Variants in THRA observed in about 807,000 individuals in gnomAD.
THRA encodes the protein thyroid hormone receptor alpha.
A neutral mutation model predicts 45.0 loss-of-function variants in THRA; 13 were observed. The ratio of observed to expected loss-of-function variants is 0.29; its 90% confidence interval spans 0.19 to 0.46. The LOEUF (loss-of-function observed/expected upper bound fraction) is 0.46. Among genes scored for constraint, THRA ranks in the 20% least tolerant of loss-of-function variants. The pLI, the probability that THRA is intolerant of heterozygous loss-of-function variation, is 1.00. For synonymous variants in THRA, 195 were observed against 214.0 expected (o/e 0.91, Z 0.78); for missense variants, 278 against 556.1 (o/e 0.50, Z 5.03).
chr17:40,069,959 A>T (rs1215178918), intron 1 of THRA, among the ~76,000 whole-genome samples: 4 of 148,376 alleles, frequency 2.7e-5, no homozygotes, highest in Admixed American at 6.7e-5. Context: ...GCCCAAGTCA[A>T]GGCTGCTGTT....
intron 1 of THRA, among the ~76,000 whole-genome samples, chr17:40,072,498 C>T (rs1015623894): frequency 3.3e-5 from 5 of 152,096 alleles, no homozygotes; most frequent in African/African-American, 7.2e-5. Flanking sequence ...AGGAGACAGG[C>T]GGGGGCAGCA....
In THRA at chr17:40,090,166, A is replaced by T. The variant is rs952597983; in HGVS notation, c.*710A>T. On this transcript the variant is annotated 3_prime_UTR_variant, in exon 9 of 9. Transcript: ENST00000450525. ...TTTGCGAGCTGCCCCTTCTTCCCCCACATCAGAGAGAAATGCCCCCACACC... is the reference window on the plus strand; with the variant it reads ...TTTGCGAGCTGCCCCTTCTTCCCCCTCATCAGAGAGAAATGCCCCCACACC... 12 of 206,870 alleles carry T rather than the reference A, an allele frequency of 5.8e-5. No homozygotes were observed. The highest frequency in any genetic ancestry group is 7.0e-5 in the Non-Finnish European group (12 of 172,156). The allele number at this position is 206,870 out of a possible 1,614,324, so 12.8% of individuals were successfully genotyped here. A position where few individuals can be genotyped will look rare whatever the true frequency, so the allele number is the denominator to read the frequency against.
At chr17:40,084,890 C>G in intron 6 of THRA, 75 bp downstream of exon 6, 1 of 1,541,160 alleles carries the variant, frequency 6.5e-7, no homozygotes, top group Non-Finnish European at 8.9e-7. Flanking sequence ...AGTCTTGCCT[C>G]CTCCAGGAAG....
At chr17:40,086,660 G>GCTGAAAGGGGT in intron 6 of THRA, 47 bp from the exon 7 acceptor site, 1 of 1,598,846 alleles carries the variant, frequency 6.3e-7, no homozygotes, top group African/African-American at 1.3e-5. Flanking sequence ...TCAGTGAGAG[G>GCTGAAAGGGGT]CTGAAAGGGG....
At chr17:40,064,920 C>T (rs1389376594) in intron 1 of THRA, among the ~76,000 whole-genome samples, 3 of 152,226 alleles carry the variant, frequency 2.0e-5, no homozygotes, top group African/African-American at 7.2e-5. Context: ...CACACAACCC[C>T]AGATACACAC....
chr17:40,063,320 G>T (rs2145033353), intron 1 of THRA, among the ~76,000 whole-genome samples: 1 of 152,216 alleles, frequency 6.6e-6, no homozygotes, highest in Middle Eastern at 3.4e-3. Flanking sequence ...TGGGCCCCGG[G>T]GTTCGCAGGC....
chr17:40,082,675 C>T (rs1032799171), intron 4 of THRA, among the ~76,000 whole-genome samples: 3 of 150,866 alleles, frequency 2.0e-5, no homozygotes, highest in South Asian at 2.1e-4. Flanking sequence ...GGGTGGACCC[C>T]GCCGTGGTTC....
chr17:40,088,515 G>T lies in THRA; in HGVS notation c.982+15G>T. ...AATGTCAACAGGTACCTGCTGATTA[G>T]TCGGGAGGGCTCAGAAGCTTCCAGG... On this transcript the variant is annotated intron_variant, in intron 8 of 8. Coordinates refer to ENST00000450525, the MANE Select transcript of THRA (RefSeq NM_199334.5). The T allele has an allele frequency of 6.2e-7, 1 of 1,601,144 alleles. No individual in the cohort carries two copies. The highest frequency in any genetic ancestry group is 8.5e-7 in the Non-Finnish European group (1 of 1,170,402).
intron 2 of THRA, among the ~76,000 whole-genome samples, chr17:40,075,178 A>C (rs146472434): frequency 6.6e-6 from 1 of 152,042 alleles, no homozygotes. Flanking sequence ...TGTGATCTGC[A>C]TTGCCCTTGA....
intron 1 of THRA, among the ~76,000 whole-genome samples, chr17:40,063,345 A>C (rs1185718087): frequency 6.6e-6 from 1 of 151,956 alleles, no homozygotes; most frequent in Non-Finnish European, 1.5e-5. Context: ...ATGGCGTCCG[A>C]GCCTCCCCCT....
downstream of THRA, chr17:40,093,075 C>A: frequency 6.2e-7 from 1 of 1,614,060 alleles, no homozygotes; most frequent in Admixed American, 1.7e-5. This position sits in a 1 kb window ranked among gnomAD's most constrained non-coding sequence, Gnocchi z 5.9. Context: ...GAAGGCCGGC[C>A]GGGCGGGTCA....
intron 1 of THRA, among the ~76,000 whole-genome samples, chr17:40,064,373 A>G (rs988821281): frequency 3.3e-5 from 5 of 152,222 alleles, no homozygotes; most frequent in Admixed American, 1.3e-4. Context: ...CACAATTACA[A>G]AAGACCCTGT....
intron 1 of THRA, among the ~76,000 whole-genome samples, chr17:40,071,264 G>A (rs765006867): frequency 1.3e-5 from 2 of 152,228 alleles, no homozygotes; most frequent in Non-Finnish European, 1.5e-5. Context: ...GGGTTAATGC[G>A]GGTAGTATTG....
chr17:40,067,669 T>C (rs1283217495), intron 1 of THRA, among the ~76,000 whole-genome samples: 1 of 152,088 alleles, frequency 6.6e-6, no homozygotes, highest in Non-Finnish European at 1.5e-5. Context: ...GGAAGGACAA[T>C]GGGAGGATAC....
intron 4 of THRA, among the ~76,000 whole-genome samples, chr17:40,078,727 C>CTTTTTTTT (rs746350223): frequency 5.8e-5 from 6 of 102,612 alleles, no homozygotes; most frequent in African/African-American, 1.1e-4. Context: ...CAGCCTTCAT[C>CTTTTTTTT]TTTTTTTTTT....
intron 4 of THRA, among the ~76,000 whole-genome samples, chr17:40,079,830 T>C (rs1353043108): frequency 6.6e-6 from 1 of 152,102 alleles, no homozygotes; most frequent in Non-Finnish European, 1.5e-5. Flanking sequence ...GGATTATGAA[T>C]GAGCAAATGA....
In THRA at chr17:40,083,983, G is replaced by A; in HGVS notation, c.370+1G>A. 6.2e-7 allele frequency: 1 copy of A among 1,609,752 alleles called. No individual in the cohort carries two copies. On this transcript the variant is annotated splice_donor_variant, in intron 5 of 8. Coordinates refer to ENST00000450525, the MANE Select transcript of THRA (RefSeq NM_199334.5). LOFTEE classifies it high-confidence loss of function. ...ATCGCCGTGGGCATGGCCATGGACTGTAAGGGGCCCAGGTGGAGGGAATAG... is the reference window on the plus strand; with the variant it reads ...ATCGCCGTGGGCATGGCCATGGACTATAAGGGGCCCAGGTGGAGGGAATAG...
chr17:40,086,221 G>A (rs977892097), intron 6 of THRA, among the ~76,000 whole-genome samples: 1 of 152,170 alleles, frequency 6.6e-6, no homozygotes, highest in Non-Finnish European at 1.5e-5. Flanking sequence ...GTGGCACAGT[G>A]CACACTGTTA....
At position 40,089,179 on chromosome 17, in the gene THRA, G is replaced by C. The variant is rs34996814; in HGVS notation, c.983-27G>C. ...TCTCCAGGCCTTCGGCCAGCCCCTC[G>C]CCCCTCACGCCCCTCTTCCCTCACA... is the stretch of plus-strand genomic sequence containing the variant. On this transcript the variant is annotated intron_variant, in intron 8 of 8. Coordinates refer to ENST00000450525, the MANE Select transcript of THRA (RefSeq NM_199334.5). This position sits in a 1 kb window ranked among gnomAD's most constrained non-coding sequence, Gnocchi z 6.1. 2.5e-6 allele frequency: 4 copies of C among 1,603,072 alleles called. No homozygotes were observed. Among genetic ancestry groups the C allele is most frequent in the Middle Eastern group, 1.7e-4 (1 of 6,028 alleles).
Sources: gnomAD v4.1 joint callset for allele counts (sites outside exome capture counted in the v4.1 genomes callset) on GRCh38, gnomAD v4.1.1 for gene constraint, Gnocchi (gnomAD v3.1) non-coding constraint, MANE v1.5 for transcripts, NCBI Gene and HGNC (gene_info 2026-07-23, HGNC 2026-07-21) for gene names.